SRGAP1: variants seen among roughly 807,000 people sequenced by gnomAD.
The protein encoded by SRGAP1 is SLIT-ROBO Rho GTPase-activating protein 1.
SRGAP1 carries 43 observed loss-of-function variants against 121.9 expected under a neutral mutation model. That is an observed-to-expected ratio of 0.35 (90% CI 0.28 to 0.46). The LOEUF (loss-of-function observed/expected upper bound fraction) is 0.46, where lower values mean the gene tolerates loss of function less well. SRGAP1 is among the 20% of genes least tolerant of loss of function. The probability of loss-of-function intolerance (pLI) is 1.00; values close to 1 mark genes in which losing one functional copy is unlikely to be tolerated. For synonymous variants in SRGAP1, 447 were observed against 485.4 expected (o/e 0.92, Z 1.04); for missense variants, 1,102 against 1,350.9 (o/e 0.82, Z 2.89).
At chr12:64,007,234 C>G (rs1400623302) in intron 3 of SRGAP1, among the ~76,000 whole-genome samples, 1 of 152,150 alleles carries the variant, frequency 6.6e-6, no homozygotes, top group Non-Finnish European at 1.5e-5. Context: ...TGGTCCCCAA[C>G]CTTTTTGGCA....
At chr12:64,086,265 T>C (rs2035936908) in intron 10 of SRGAP1, among the ~76,000 whole-genome samples, 1 of 152,178 alleles carries the variant, frequency 6.6e-6, no homozygotes, top group Non-Finnish European at 1.5e-5. Context: ...CCGCCCTAAA[T>C]GTACAAAGCA....
intron 4 of SRGAP1, among the ~76,000 whole-genome samples, chr12:64,019,563 GCACA>G (rs145808980): frequency 6.6e-6 from 1 of 151,010 alleles, no homozygotes; most frequent in Non-Finnish European, 1.5e-5. Context: ...TATCACTCAT[GCACA>G]CACACACACA....
In SRGAP1 at chr12:63,911,788, C is replaced by T. The variant is rs574989826; in HGVS notation, c.67+66905C>T. Among the ~76,000 whole-genome samples the T allele has an allele frequency of 4.6e-5, 7 of 152,288 alleles. No homozygotes were observed. In the East Asian group the frequency reaches 7.7e-4, roughly 17 times the overall value. Reference sequence around the variant, plus strand: ...TTACCTAAACAGTCTTGTCTCATTCCGGTTTCCCCTCACAGAGGAAGTGTC... The same window carrying T: ...TTACCTAAACAGTCTTGTCTCATTCTGGTTTCCCCTCACAGAGGAAGTGTC... On this transcript the variant is annotated intron_variant, in intron 1 of 21. Coordinates refer to ENST00000355086, the MANE Select transcript of SRGAP1 (RefSeq NM_020762.4).
In SRGAP1 at chr12:64,064,838, C is replaced by T. The variant is rs543765532; in HGVS notation, c.1024-280C>T. On this transcript the variant is annotated intron_variant, in intron 7 of 21. Transcript: ENST00000355086. ...AATTCCACGAGTGAGATTTCAGCAT[C>T]GGAGCTCCATCGCAGGAACCGCCCC... Among the ~76,000 whole-genome samples, 5 of 152,306 alleles carry T rather than the reference C, an allele frequency of 3.3e-5. No homozygotes were observed. The East Asian group carries it at 5.8e-4, about 18-fold the overall frequency.
chr12:63,859,630 T>C (rs969485011), intron 1 of SRGAP1, among the ~76,000 whole-genome samples: 3 of 152,198 alleles, frequency 2.0e-5, no homozygotes, highest in African/African-American at 7.2e-5. Context: ...ATATAAGCAC[T>C]TAAGATAATA....
At chr12:64,052,043 G>A (rs1490940028) in intron 6 of SRGAP1, among the ~76,000 whole-genome samples, 1 of 152,108 alleles carries the variant, frequency 6.6e-6, no homozygotes, top group East Asian at 1.9e-4. Context: ...GAACTCTAAC[G>A]TTTATTGATA....
At chr12:64,029,342 A>T (rs962608321) in intron 4 of SRGAP1, among the ~76,000 whole-genome samples, 9 of 152,240 alleles carry the variant, frequency 5.9e-5, no homozygotes. Flanking sequence ...TTTTTATTGC[A>T]TCCAAGTCTT....
chr12:64,073,511 C>T (rs2035679353), intron 8 of SRGAP1, among the ~76,000 whole-genome samples: 1 of 152,084 alleles, frequency 6.6e-6, no homozygotes, highest in South Asian at 2.1e-4. Context: ...TCCAGCACCT[C>T]CCACAGATAC....
chr12:63,901,371 A>G (rs1208208415), intron 1 of SRGAP1, among the ~76,000 whole-genome samples: 1 of 152,102 alleles, frequency 6.6e-6, no homozygotes, highest in Non-Finnish European at 1.5e-5. Flanking sequence ...CTCCCTGTTG[A>G]GTTGTATTGT....
At chr12:64,100,789 T>C (rs2036241609) in intron 15 of SRGAP1, among the ~76,000 whole-genome samples, 1 of 152,166 alleles carries the variant, frequency 6.6e-6, no homozygotes, top group Non-Finnish European at 1.5e-5. Flanking sequence ...TAAGCAAGCA[T>C]TTTTTTCTTA....
rs1229232385 is a variant in SRGAP1, at chr12:63,855,736, C to G, written c.67+10853C>G. Among the ~76,000 whole-genome samples, 5 of 151,796 alleles carry G rather than the reference C, an allele frequency of 3.3e-5. No individual in the cohort carries two copies. In the East Asian group the frequency reaches 7.8e-4, roughly 24 times the overall value. ...ACTCCTGGGCTCAAGTGATTGCCCT[C>G]CTTGGCCTTCCAAAGTGCTGGGATT... On this transcript the variant is annotated intron_variant, in intron 1 of 21. Transcript: ENST00000355086.
rs565950850 is a variant in SRGAP1 at position 63,851,827 on chromosome 12, C to T, written c.67+6944C>T. On this transcript the variant is annotated intron_variant, in intron 1 of 21. Transcript: ENST00000355086. ...AGCAATCCACCTGCCTCAGCTTCCC[C>T]AAGTGCTGGGATTACAGGTGTGAGC... Among the ~76,000 whole-genome samples, 4 of 151,996 alleles carry T rather than the reference C, an allele frequency of 2.6e-5. No homozygotes were observed. The South Asian group carries it at 8.3e-4, about 32-fold the overall frequency.
chr12:64,007,556 G>C (rs930882362), intron 3 of SRGAP1, among the ~76,000 whole-genome samples: 1 of 152,072 alleles, frequency 6.6e-6, no homozygotes, highest in African/African-American at 2.4e-5. Flanking sequence ...CAAGGGTTGG[G>C]GACCCCTGAT....
At chr12:63,868,401 G>A (rs1899737510) in intron 1 of SRGAP1, among the ~76,000 whole-genome samples, 1 of 151,662 alleles carries the variant, frequency 6.6e-6, no homozygotes, top group South Asian at 2.1e-4. Flanking sequence ...ATTTTTACAG[G>A]GTTTTGTTAT....
At chr12:64,072,490 A>C (rs1328030677) in intron 8 of SRGAP1, among the ~76,000 whole-genome samples, 3 of 152,140 alleles carry the variant, frequency 2.0e-5, no homozygotes, top group Non-Finnish European at 4.4e-5. Flanking sequence ...AATCAAATTA[A>C]AGTGAGGTCA....
intron 3 of SRGAP1, among the ~76,000 whole-genome samples, 161 bp from the exon 4 acceptor site, chr12:64,016,789 A>G (rs138223423): frequency 6.6e-6 from 1 of 152,316 alleles, no homozygotes; most frequent in Non-Finnish European, 1.5e-5. Context: ...GACCATCTGT[A>G]TACAATGTCT....
At chr12:64,057,552 G>T (rs953823628) in intron 6 of SRGAP1, among the ~76,000 whole-genome samples, 1 of 152,054 alleles carries the variant, frequency 6.6e-6, no homozygotes, top group African/African-American at 2.4e-5. Flanking sequence ...TTCTATTTCT[G>T]GTCCTTTATA....
At chr12:63,929,626 T>C (rs2031395522) in intron 1 of SRGAP1, among the ~76,000 whole-genome samples, 1 of 151,936 alleles carries the variant, frequency 6.6e-6, no homozygotes, top group Admixed American at 6.6e-5. Flanking sequence ...GTATGGTATG[T>C]ATCATAATTA....
intron 1 of SRGAP1, among the ~76,000 whole-genome samples, chr12:63,974,757 T>C (rs181028848): frequency 6.6e-6 from 1 of 152,282 alleles, no homozygotes; most frequent in East Asian, 1.9e-4. Context: ...GGGAGTCATA[T>C]TTTCCTTAAG....
Sources: gnomAD v4.1 joint callset for allele counts (sites outside exome capture counted in the v4.1 genomes callset) on GRCh38, gnomAD v4.1.1 for gene constraint, MANE v1.5 for transcripts, NCBI Gene and HGNC (gene_info 2026-07-23, HGNC 2026-07-21) for gene names.